The following SPTBN1 variants were observed in gnomAD, a reference collection of about 807,000 sequenced individuals.
The protein encoded by SPTBN1 is spectrin beta, non-erythrocytic 1, also known as spectrin beta chain, non-erythrocytic 1.
In SPTBN1, 32 loss-of-function variants were observed where a neutral mutation model predicts 266.4. The observed-to-expected ratio is 0.12, with a 90% CI of 0.09 to 0.16. SPTBN1 has a LOEUF of 0.16. Among genes scored for constraint, SPTBN1 ranks in the 10% least tolerant of loss-of-function variants. The probability of loss-of-function intolerance (pLI) is 1.00; values close to 1 mark genes in which losing one functional copy is unlikely to be tolerated. For synonymous variants in SPTBN1, 1,336 were observed against 1,162.2 expected (o/e 1.15, Z -3.04); for missense variants, 2,296 against 3,067.1 (o/e 0.75, Z 5.94).
Position 54,529,852 on chromosome 2 carries a change from CAAAAAAAAAAAAAAAAA to C in SPTBN1, c.148+3302_148+3318del, listed in dbSNP as rs61316795. The C allele has an allele frequency of 2.3e-3, 142 of 62,182 alleles. No individual in the cohort carries two copies. The Middle Eastern group carries it at 0.025, about 11-fold the overall frequency. 3.9% of individuals were successfully genotyped at this position (62,182 alleles called of 1,614,324 possible). A position where few individuals can be genotyped will look rare whatever the true frequency, so the allele number is the denominator to read the frequency against. Reference sequence around the variant, plus strand: ...TCTAAATATACATATCTCTTTTCACCAAAAAAAAAAAAAAAAAAAAAAAAAAAAAAAAGGTCCACTTG... The same window carrying C: ...TCTAAATATACATATCTCTTTTCACCAAAAAAAAAAAAAAAGGTCCACTTG... On this transcript the variant is annotated intron_variant, in intron 2 of 35. Transcript: ENST00000356805.
intron 1 of SPTBN1, among the ~76,000 whole-genome samples, chr2:54,508,025 G>A (rs1669665700): frequency 6.6e-6 from 1 of 152,120 alleles, no homozygotes; most frequent in South Asian, 2.1e-4. Flanking sequence ...TCATCAGGGT[G>A]AAAGTATTGG....
intron 17 of SPTBN1, among the ~76,000 whole-genome samples, 163 bp from the exon 18 acceptor site, chr2:54,637,550 G>A (rs1679235105): frequency 6.6e-6 from 1 of 152,130 alleles, no homozygotes; most frequent in Non-Finnish European, 1.5e-5. Flanking sequence ...CTCCTTTGGA[G>A]GATGCTAAAA....
intron 1 of SPTBN1, among the ~76,000 whole-genome samples, chr2:54,523,474 G>T (rs1003076470): frequency 3.9e-5 from 6 of 152,168 alleles, no homozygotes; most frequent in African/African-American, 1.4e-4. Flanking sequence ...TGTGTTCTTG[G>T]ATAGCATGTG....
In SPTBN1 at chr2:54,646,348, A is replaced by G. The variant is rs760862012; in HGVS notation, c.4739A>G (p.Glu1580Gly). The G allele has an allele frequency of 6.2e-7, 1 of 1,614,006 alleles. No homozygotes were observed. Among genetic ancestry groups the G allele is most frequent in the Non-Finnish European group, 8.5e-7 (1 of 1,179,938 alleles). The change falls in exon 23 of 36, where the codon GAG (glutamate) becomes GGG (glycine). Residue 1580 changes from glutamate (E) to glycine (G), a missense_variant. By Grantham distance (98) the Glu-to-Gly change is moderately conservative. Around this residue, in one of 12 missense-constraint regions of SPTBN1, gnomAD observed 644 missense variants for 745.3 expected, o/e 0.86. Coordinates refer to ENST00000356805, the MANE Select transcript of SPTBN1 (RefSeq NM_003128.3). This position sits in a 1 kb window ranked among gnomAD's most constrained non-coding sequence, Gnocchi z 4.4. Reference sequence around the variant, plus strand: ...CAGCTGTGGGGTCTCCTCATTGAGGAGACAGAGAAACGCCACAGGCGGCTG... The same window carrying G: ...CAGCTGTGGGGTCTCCTCATTGAGGGGACAGAGAAACGCCACAGGCGGCTG... ...LKQLWGLLIEETEKRHRRLEE... is the reference protein window; with the variant it reads ...LKQLWGLLIEGTEKRHRRLEE...
Position 54,644,597 on chromosome 2 carries a change from A to G in SPTBN1, c.4269+11A>G, listed in dbSNP as rs377488178. The G allele has an allele frequency of 2.5e-6, 4 of 1,596,172 alleles. No homozygotes were observed. Among genetic ancestry groups the G allele is most frequent in the Non-Finnish European group, 2.6e-6 (3 of 1,166,612 alleles). On this transcript the variant is annotated intron_variant, in intron 20 of 35. Coordinates refer to ENST00000356805, the MANE Select transcript of SPTBN1 (RefSeq NM_003128.3). ...CTGAAAAAGCAACAGGCAAGTGGAC[A>G]AGCCATCATGGACTTGGGTGTATTT...
In SPTBN1 at chr2:54,558,711, A is replaced by T. The variant is rs1673054977; in HGVS notation, c.148+32145A>T. ...CGCTGCGGAGGCTGCTGCGTGTTGG[A>T]TGGGAGTGGGAGGGGGCTGGAGCGA... is the stretch of plus-strand genomic sequence containing the variant. On this transcript the variant is annotated intron_variant, in intron 2 of 35. Transcript: ENST00000356805. The surrounding 1 kb of genome is among the most constrained non-coding windows in gnomAD (Gnocchi z 4.6). The T allele has an allele frequency of 1.9e-6, 3 of 1,567,318 alleles. No individual in the cohort carries two copies. The highest frequency in any genetic ancestry group is 2.6e-6 in the Non-Finnish European group (3 of 1,151,888).
At chr2:54,656,275 A>G (rs140114998) in intron 29 of SPTBN1, among the ~76,000 whole-genome samples, 45 of 152,366 alleles carry the variant, frequency 3.0e-4, no homozygotes, top group Non-Finnish European at 5.0e-4. Context: ...GAATACAGAT[A>G]GAAGCCCTCT....
intron 35 of SPTBN1, 142 bp from the exon 36 acceptor site, chr2:54,668,209 C>A: frequency 1.4e-6 from 1 of 712,970 alleles, no homozygotes; most frequent in Non-Finnish European, 2.4e-6. Context: ...ACTGATAAGG[C>A]AGAGGTGCAT....
intron 1 of SPTBN1, among the ~76,000 whole-genome samples, chr2:54,485,648 G>C (rs1281466525): frequency 6.6e-6 from 1 of 152,020 alleles, no homozygotes; most frequent in East Asian, 1.9e-4. Context: ...CTGCCTGGTC[G>C]CCCATCGTCT....
chr2:54,600,582 C>A (rs1047255308), intron 3 of SPTBN1, among the ~76,000 whole-genome samples: 4 of 152,146 alleles, frequency 2.6e-5, no homozygotes, highest in Non-Finnish European at 5.9e-5. Context: ...CAAAGTGAGT[C>A]TTGTTTGAGA....
chr2:54,638,487 C>G (rs1225978175), intron 18 of SPTBN1, among the ~76,000 whole-genome samples: 2 of 152,216 alleles, frequency 1.3e-5, no homozygotes, highest in Admixed American at 6.5e-5. Context: ...ATGCTGATTC[C>G]AAGCACCAAG....
At chr2:54,571,155 A>G (rs1007519169) in intron 2 of SPTBN1, among the ~76,000 whole-genome samples, 1 of 151,988 alleles carries the variant, frequency 6.6e-6, no homozygotes, top group Non-Finnish European at 1.5e-5. Context: ...AGTGGAAGGG[A>G]AGTGGCTCAG....
chr2:54,522,652 G>GAGAGAAAGAGAA (rs146655498), intron 1 of SPTBN1, among the ~76,000 whole-genome samples: 7 of 80,318 alleles, frequency 8.7e-5, no homozygotes, highest in African/African-American at 3.6e-4. Flanking sequence ...AAGAAAGAGA[G>GAGAGAAAGAGAA]AGAGAAAGAG....
chr2:54,502,118 C>G (rs1193865491), intron 1 of SPTBN1, among the ~76,000 whole-genome samples: 1 of 152,150 alleles, frequency 6.6e-6, no homozygotes, highest in Non-Finnish European at 1.5e-5. Flanking sequence ...TTCACTCATT[C>G]CTTTCCCCAA....
At position 54,475,350 on chromosome 2, in the gene SPTBN1, C is replaced by G. The variant is rs183041273; in HGVS notation, c.-48+18832C>G. ...GTTCCATAATACTTCCACATTCTTA[C>G]AGAAGCTAATGGGAAATGCTGGATT... On this transcript the variant is annotated intron_variant, in intron 1 of 35. Coordinates refer to ENST00000356805, the MANE Select transcript of SPTBN1 (RefSeq NM_003128.3). Among the ~76,000 whole-genome samples the G allele has an allele frequency of 2.0e-5, 3 of 152,318 alleles. No homozygotes were observed. In the East Asian group the frequency reaches 5.8e-4, roughly 29 times the overall value.
At chr2:54,468,307 AAAAAAAATAAAAT>A (rs1356766494) in intron 1 of SPTBN1, among the ~76,000 whole-genome samples, 1 of 143,756 alleles carries the variant, frequency 7.0e-6, no homozygotes, top group Non-Finnish European at 1.5e-5. Context: ...ACTCAGTCTC[AAAAAAAATAAAAT>A]AAAAAAATAA....
At chr2:54,504,799 T>C (rs1054140255) in intron 1 of SPTBN1, among the ~76,000 whole-genome samples, 6 of 152,164 alleles carry the variant, frequency 3.9e-5, no homozygotes, top group Non-Finnish European at 8.8e-5. Flanking sequence ...TAGTACCTTA[T>C]AATATTTTAA....
rs181084365 is a variant in SPTBN1 at position 54,484,878 on chromosome 2, C to G, written c.-48+28360C>G. ...ACAAGTTTGATAAGAGTGTTCAGAC[C>G]AAGAAAATTAATGCAAAACTTCCTG... On this transcript the variant is annotated intron_variant, in intron 1 of 35. Transcript: ENST00000356805. Among the ~76,000 whole-genome samples, 403 of 152,050 alleles carry G rather than the reference C, an allele frequency of 2.7e-3. 3 individuals are homozygous for G. Among genetic ancestry groups the G allele is most frequent in the Non-Finnish European group, 3.3e-3 (227 of 67,984 alleles).
chr2:54,461,630 GT>G (rs1467517404), intron 1 of SPTBN1, among the ~76,000 whole-genome samples: 2 of 152,088 alleles, frequency 1.3e-5, no homozygotes, highest in Non-Finnish European at 2.9e-5. Flanking sequence ...TGAAAATCTT[GT>G]CCAGTGAAAC....
Sources: allele counts gnomAD v4.1 joint callset (sites outside exome capture counted in the v4.1 genomes callset), GRCh38; gene constraint gnomAD v4.1.1; regional missense constraint gnomAD v4.1.1; non-coding constraint Gnocchi (gnomAD v3.1); transcripts MANE v1.5; gene names NCBI Gene and HGNC (gene_info 2026-07-23, HGNC 2026-07-21).